Variants in ATP7A observed in about 807,000 individuals in gnomAD.
The protein encoded by ATP7A is ATPase copper transporting alpha.
ATP7A carries 7 observed loss-of-function variants against 83.5 expected under a neutral mutation model. That is an observed-to-expected ratio of 0.08 (90% CI 0.05 to 0.16). ATP7A has a LOEUF of 0.16. ATP7A is among the 10% of genes least tolerant of loss of function. ATP7A has a pLI of 1.00. For synonymous variants in ATP7A, 354 were observed against 395.2 expected, an observed-to-expected ratio of 0.90 and a Z score of 1.24; for missense variants, 940 against 1,120.8, an observed-to-expected ratio of 0.84 and a Z score of 2.30.
At chrX:77,936,423 TA>T (rs1356250446) in intron 1 of ATP7A, among the ~76,000 whole-genome samples, 3 of 112,236 alleles carry the variant, frequency 2.7e-5, no homozygotes, top group Non-Finnish European at 3.8e-5. Context: ...ACACATACCA[TA>T]AAATTTACCA....
intron 17 of ATP7A, 56 bp from the exon 18 acceptor site, chrX:78,038,780 G>A (rs2078029554): frequency 9.4e-6 from 11 of 1,172,959 alleles, no homozygotes; most frequent in Non-Finnish European, 1.3e-5. Context: ...TTGCTTCATG[G>A]GGTTTTATAA....
intron 12 of ATP7A, among the ~76,000 whole-genome samples, chrX:78,017,555 G>A (rs782041614): frequency 9.0e-6 from 1 of 111,437 alleles, no homozygotes; most frequent in Non-Finnish European, 1.9e-5. Flanking sequence ...TTTATGCTCT[G>A]CTTCCTTTTT....
At chrX:77,995,340 G>A (rs1264121230) in intron 4 of ATP7A, among the ~76,000 whole-genome samples, 3 of 110,593 alleles carry the variant, frequency 2.7e-5, no homozygotes, top group African/African-American at 3.3e-5. Flanking sequence ...CGAGGCAGGT[G>A]GATCACCTGA....
chrX:78,007,601 A>C (rs1231014146), intron 6 of ATP7A, among the ~76,000 whole-genome samples: 1 of 112,577 alleles, frequency 8.9e-6, no homozygotes, highest in Non-Finnish European at 1.9e-5. Context: ...CTGGGATTAC[A>C]GGCGTGAGCC....
chrX:78,027,184 A>G (rs2077951157), intron 14 of ATP7A, among the ~76,000 whole-genome samples: 1 of 110,773 alleles, frequency 9.0e-6, no homozygotes, highest in Non-Finnish European at 1.9e-5. Context: ...TCCTGATGAC[A>G]TGATTCTATA....
At chrX:78,040,771 A>G (rs782287048) in intron 19 of ATP7A, 38 bp downstream of exon 19, 1 of 1,188,936 alleles carries the variant, frequency 8.4e-7, no homozygotes, top group Admixed American at 2.2e-5. Flanking sequence ...CTAATTATTG[A>G]TATACATTTT....
At chrX:77,964,442 A>G (rs2077492388) in intron 1 of ATP7A, 1 of 110,735 alleles carries the variant, frequency 9.0e-6, no homozygotes, top group Admixed American at 9.6e-5. Flanking sequence ...TTTATACTTT[A>G]AGTTCTGGGG....
intron 12 of ATP7A, among the ~76,000 whole-genome samples, chrX:78,017,057 C>T (rs1157936795): frequency 8.9e-6 from 1 of 112,618 alleles, no homozygotes; most frequent in Non-Finnish European, 1.9e-5. Flanking sequence ...ATGGCTTCTC[C>T]CCTGCAGCAG....
At chrX:77,955,323 A>G (rs1036544091) in intron 1 of ATP7A, among the ~76,000 whole-genome samples, 16 of 111,416 alleles carry the variant, frequency 1.4e-4, no homozygotes, top group African/African-American at 4.6e-4. Context: ...TTTGTCTTGC[A>G]TATTTTAAAA....
At position 77,989,457 on chromosome X, in the gene ATP7A, G is replaced by A; in HGVS notation, c.835G>A (p.Ala279Thr). The part of the protein sequence containing the change: ...RSPSYTNDST[A>T]TFIIDGMHCK... ...TCCATCATATACCAATGATTCAACA[G>A]CCACTTTCATCATTGATGGCATGCA... Residue 279 changes from alanine to threonine, a missense_variant, in exon 4 of 23, where the codon GCC becomes ACC. Ala to Thr is a moderately conservative substitution (Grantham distance 58). Transcript: ENST00000341514. 1 of 1,211,670 alleles carries A rather than the reference G, an allele frequency of 8.3e-7. No homozygotes were observed. Among genetic ancestry groups the A allele is most frequent in the Non-Finnish European group, 1.1e-6 (1 of 895,402 alleles).
In ATP7A at chrX:77,989,306, G is replaced by C; in HGVS notation, c.684G>C (p.Gln228His). Residue 228 changes from glutamine to histidine, a missense_variant, in exon 4 of 23, where the codon CAG (glutamine) becomes CAC (histidine). By Grantham distance (24) the Gln-to-His change is conservative. Transcript: ENST00000341514. The stretch of plus-strand genomic sequence containing the variant: ...TCTCAGTAGAGGAAATGAAAAAGCA[G>C]ATTGAAGCTATGGGCTTTCCAGCAT... ...HLISVEEMKK[Q>H]IEAMGFPAFV... 1 of 1,211,392 alleles carries C rather than the reference G, an allele frequency of 8.3e-7. No individual in the cohort carries two copies. Among genetic ancestry groups the C allele is most frequent in the Non-Finnish European group, 1.1e-6 (1 of 895,302 alleles).
At chrX:78,009,739 C>G (rs942711125) in intron 7 of ATP7A, among the ~76,000 whole-genome samples, 2 of 112,080 alleles carry the variant, frequency 1.8e-5, no homozygotes, top group Non-Finnish European at 3.8e-5. Flanking sequence ...GGCACAATCA[C>G]TTGAGGCCAG....
intron 1 of ATP7A, among the ~76,000 whole-genome samples, chrX:77,918,824 A>G (rs1441690599): frequency 9.0e-6 from 1 of 111,167 alleles, no homozygotes; most frequent in East Asian, 2.8e-4. Flanking sequence ...AAACTACCCA[A>G]ACCACTTCTA....
At chrX:77,957,442 A>T (rs2077451567) in intron 1 of ATP7A, among the ~76,000 whole-genome samples, 1 of 109,143 alleles carries the variant, frequency 9.2e-6, no homozygotes, top group African/African-American at 3.3e-5. Context: ...TATATAAAGA[A>T]CTTAATGACC....
rs1249119000 is a variant in ATP7A at position 78,047,959 on chromosome X, C to A, written c.*1389C>A. 8.9e-6 allele frequency: 1 copy of A among 111,865 alleles called. No individual in the cohort carries two copies. The highest frequency in any genetic ancestry group is 1.9e-5 in the Non-Finnish European group (1 of 53,207). The allele number at this position is 111,865 out of a possible 1,213,427, so 9.2% of individuals were successfully genotyped here. A position where few individuals can be genotyped will look rare whatever the true frequency, so the allele number is the denominator to read the frequency against. On this transcript the variant is annotated 3_prime_UTR_variant, in exon 23 of 23. Coordinates refer to ENST00000341514, the MANE Select transcript of ATP7A (RefSeq NM_000052.7). The stretch of plus-strand genomic sequence containing the variant: ...ATTTATCTTTTAGTGTTTCAGATAA[C>A]CTCTCAAAAAGACTTTAAAATAATG...
chrX:77,967,880 C>T (rs782095917), intron 1 of ATP7A, among the ~76,000 whole-genome samples: 43 of 111,509 alleles, frequency 3.9e-4, no homozygotes, highest in Admixed American at 2.0e-3. Flanking sequence ...TTAGTAGCAG[C>T]GGGCATGGTT....
intron 1 of ATP7A, among the ~76,000 whole-genome samples, chrX:77,943,742 T>G: frequency 8.9e-6 from 1 of 112,203 alleles, no homozygotes. Flanking sequence ...GTCACAGATA[T>G]GCTTCCATGT....
chrX:77,972,503 C>T (rs2077554416), intron 2 of ATP7A, among the ~76,000 whole-genome samples: 1 of 111,643 alleles, frequency 9.0e-6, no homozygotes, highest in Non-Finnish European at 1.9e-5. Context: ...AGGCATGCGC[C>T]ATCACTCCCA....
rs146619119 is a variant in ATP7A at position 77,991,218 on chromosome X, C to A, written c.1336+1260C>A. ...CACATATCCATTAGCAGTCATTGCCCATTTCTCCTTCCCCTCCCCAAGCTC... is the reference window on the plus strand; with the variant it reads ...CACATATCCATTAGCAGTCATTGCCAATTTCTCCTTCCCCTCCCCAAGCTC... On this transcript the variant is annotated intron_variant, in intron 4 of 22. Coordinates refer to ENST00000341514, the MANE Select transcript of ATP7A (RefSeq NM_000052.7). Among the ~76,000 whole-genome samples, 14 of 111,415 alleles carry A rather than the reference C, an allele frequency of 1.3e-4. No individual in the cohort carries two copies. In the East Asian group the frequency reaches 3.1e-3, roughly 25 times the overall value.
Sources: gnomAD v4.1 joint callset for allele counts (sites outside exome capture counted in the v4.1 genomes callset) on GRCh38, gnomAD v4.1.1 for gene constraint, MANE v1.5 for transcripts, NCBI Gene and HGNC (gene_info 2026-07-23, HGNC 2026-07-21) for gene names.